Variants in ZNF316 observed in about 807,000 individuals in gnomAD.
The protein encoded by ZNF316 is zinc finger protein 316.
In ZNF316, 23 loss-of-function variants were observed where a neutral mutation model predicts 75.6. The ratio of observed to expected loss-of-function variants is 0.30; its 90% CI spans 0.22 to 0.43. The LOEUF (loss-of-function observed/expected upper bound fraction) is 0.43, where lower values mean the gene tolerates loss of function less well. Ranked by LOEUF, ZNF316 falls within the 20% of genes least tolerant of loss-of-function variation. ZNF316 has a pLI of 1.00. For missense variants in ZNF316, 1,266 were observed against 1,409.4 expected (o/e 0.90, Z 1.63); for synonymous variants, 827 against 666.2 (o/e 1.24, Z -3.72).
At chr7:6,646,401 C>T (rs1779404161) in intron 8 of ZNF316, among the ~76,000 whole-genome samples, 1 of 152,218 alleles carries the variant, frequency 6.6e-6, no homozygotes, top group Non-Finnish European at 1.5e-5. Context: ...GTGTGGTCTA[C>T]TTGTGCTCCT....
rs538383150 is a variant in ZNF316 at position 6,647,697 on chromosome 7, G to A, written c.706+3104G>A. Among the ~76,000 whole-genome samples, 28 of 152,374 alleles carry A rather than the reference G, an allele frequency of 1.8e-4. No homozygotes were observed. The South Asian group carries it at 5.8e-3, about 32-fold the overall frequency. On this transcript the variant is annotated intron_variant, in intron 8 of 8. Transcript: ENST00000382252. ...GGGCCCAGGTCAGGTTGGGCCTGGA[G>A]AGCAGGTTCCAGACTCCGAGATGGG...
Position 6,656,556 on chromosome 7 carries a change from A to G in ZNF316, c.*1945A>G, listed in dbSNP as rs1000780666. The G allele has an allele frequency of 6.6e-6, 1 of 152,232 alleles. No homozygotes were observed. The highest frequency in any genetic ancestry group is 1.5e-5 in the Non-Finnish European group (1 of 68,034). The allele number at this position is 152,232 out of a possible 1,614,324, so 9.4% of individuals were successfully genotyped here. On this transcript the variant is annotated 3_prime_UTR_variant, in exon 9 of 9. Transcript: ENST00000382252. ...AGATTTTCTCTTTTAAGAAATTAGA[A>G]TGGGTCCTAGGATGGCCCATGAGGA...
Position 6,644,600 on chromosome 7 carries a change from G to A in ZNF316, c.706+7G>A, listed in dbSNP as rs373422643. The A allele has an allele frequency of 2.4e-6, 3 of 1,229,252 alleles. No homozygotes were observed. Among genetic ancestry groups the A allele is most frequent in the Admixed American group, 4.2e-5 (1 of 23,724 alleles). The allele number at this position is 1,229,252 out of a possible 1,614,324, so 76.1% of individuals were successfully genotyped here. On this transcript the variant is annotated splice_region_variant and intron_variant, in intron 8 of 8. Coordinates refer to ENST00000382252, the MANE Select transcript of ZNF316 (RefSeq NM_001278559.2). ...GTCACTGGCGTCTACACAGGTGAGC[G>A]TGGATGGAATTTTGCGGTTTGTGCC...
In ZNF316 at chr7:6,649,390, T is replaced by G. The variant is rs551519269; in HGVS notation, c.707-2913T>G. On this transcript the variant is annotated intron_variant, in intron 8 of 8. Coordinates refer to ENST00000382252, the MANE Select transcript of ZNF316 (RefSeq NM_001278559.2). ...GGTTCCTGCCCCAGTGCCCTCCAGCTGTTGAGAAACATGCACCAGCCCCTC... is the reference window on the plus strand; with the variant it reads ...GGTTCCTGCCCCAGTGCCCTCCAGCGGTTGAGAAACATGCACCAGCCCCTC... Among the ~76,000 whole-genome samples, 4 of 152,296 alleles carry G rather than the reference T, an allele frequency of 2.6e-5. No homozygotes were observed. The South Asian group carries it at 8.3e-4, about 32-fold the overall frequency.
chr7:6,646,034 C>T (rs972630821), intron 8 of ZNF316, among the ~76,000 whole-genome samples: 1 of 151,264 alleles, frequency 6.6e-6, no homozygotes, highest in African/African-American at 2.4e-5. Flanking sequence ...GTGAGAACTC[C>T]CTCACTATCA....
intron 8 of ZNF316, among the ~76,000 whole-genome samples, chr7:6,651,763 CAAAACA>C (rs1324889686): frequency 6.6e-6 from 1 of 152,104 alleles, no homozygotes; most frequent in South Asian, 2.1e-4. Context: ...ACTCTTGTCT[CAAAACA>C]AAAACAAAAA....
rs1303125698 is a variant in ZNF316, at chr7:6,637,544, G to T, written c.-431+97G>T. 3 of 147,154 alleles carry T rather than the reference G, an allele frequency of 2.0e-5. No homozygotes were observed. Among genetic ancestry groups the T allele is most frequent in the Admixed American group, 1.4e-4 (2 of 14,754 alleles). The allele number at this position is 147,154 out of a possible 1,614,324, so 9.1% of individuals were successfully genotyped here. A position where few individuals can be genotyped will look rare whatever the true frequency, so the allele number is the denominator to read the frequency against. On this transcript the variant is annotated intron_variant, in intron 1 of 8. Transcript: ENST00000382252. This position sits in a 1 kb window ranked among gnomAD's most constrained non-coding sequence, Gnocchi z 6.2. The stretch of plus-strand genomic sequence containing the variant: ...GGGGCGGCGGCGGCGGCGGGGCCGG[G>T]CTGGCCCTCGACGCCCGGCGCGGGG...
Position 6,642,352 on chromosome 7 carries a change from G to C in ZNF316, c.-28-30G>C. ...GGGACCGTGTGGTGTGCTGAGAGCA[G>C]CCCGTCACTGGCGTCCATCTGCATT... On this transcript the variant is annotated intron_variant, in intron 4 of 8. Transcript: ENST00000382252. This position sits in a 1 kb window ranked among gnomAD's most constrained non-coding sequence, Gnocchi z 8.1. 3 of 1,137,492 alleles carry C rather than the reference G, an allele frequency of 2.6e-6. 1 individual carries two copies. In the South Asian group the frequency reaches 1.4e-4, roughly 52 times the overall value. 70.5% of individuals were successfully genotyped at this position (1,137,492 alleles called of 1,614,324 possible).
Position 6,653,475 on chromosome 7 carries a change from G to A in ZNF316, c.1879G>A (p.Val627Ile). 1 of 1,226,290 alleles carries A rather than the reference G, an allele frequency of 8.2e-7. No individual in the cohort carries two copies. The highest frequency in any genetic ancestry group is 1.0e-6 in the Non-Finnish European group (1 of 984,774). 76.0% of individuals were successfully genotyped at this position (1,226,290 alleles called of 1,614,324 possible). A position where few individuals can be genotyped will look rare whatever the true frequency, so the allele number is the denominator to read the frequency against. Residue 627 changes from valine to isoleucine, a missense_variant, in exon 9 of 9, where the codon GTC (valine) becomes ATC (isoleucine). Around this residue, in one of 3 missense-constraint regions of ZNF316, gnomAD observed 961 missense variants for 990.9 expected, o/e 0.97. Transcript: ENST00000382252. ...ACCCGACTTCCGAGAGCGGCTGCCG[G>A]TCGACGGGCGCCCGCTCCCGGCGCC... ...GLPDFRERLP[V>I]DGRPLPAPLG...
rs919140317 is a variant in ZNF316 at position 6,658,169 on chromosome 7, C to T, written c.*3558C>T. Reference sequence around the variant, plus strand: ...TTATCCTGATCTTTTCACTTAATCTCGTCCAACATTTCCTTCTATCTCCCT... The same window carrying T: ...TTATCCTGATCTTTTCACTTAATCTTGTCCAACATTTCCTTCTATCTCCCT... On this transcript the variant is annotated 3_prime_UTR_variant, in exon 9 of 9. Coordinates refer to ENST00000382252, the MANE Select transcript of ZNF316 (RefSeq NM_001278559.2). Among the ~76,000 whole-genome samples the T allele has an allele frequency of 2.0e-5, 3 of 152,120 alleles. No individual in the cohort carries two copies. Among genetic ancestry groups the T allele is most frequent in the African/African-American group, 7.2e-5 (3 of 41,404 alleles).
intron 7 of ZNF316, 70 bp downstream of exon 7, chr7:6,644,018 C>T (rs893455507): frequency 2.9e-5 from 36 of 1,226,116 alleles, no homozygotes; most frequent in African/African-American, 1.7e-4. Flanking sequence ...AGCTGTCTGA[C>T]GGGGCGCTTT....
At position 6,653,268 on chromosome 7, in the gene ZNF316, G is replaced by A. The variant is rs1222308548; in HGVS notation, c.1672G>A (p.Glu558Lys). The A allele has an allele frequency of 4.2e-5, 51 of 1,227,634 alleles. No homozygotes were observed. The highest frequency in any genetic ancestry group is 4.9e-5 in the Non-Finnish European group (48 of 985,960). 76.0% of individuals were successfully genotyped at this position (1,227,634 alleles called of 1,614,324 possible). Residue 558 changes from glutamate (E) to lysine (K), a missense_variant, in exon 9 of 9, where the codon GAG becomes AAG. Glu to Lys is a moderately conservative substitution (Grantham distance 56). Transcript: ENST00000382252. ...EAEAAAEERE[E>K]AAVAAPTPSG... ...GGAGGCCGCGGCCGAGGAGAGAGAGGAGGCGGCGGTGGCGGCGCCCACCCC... is the reference window on the plus strand; with the variant it reads ...GGAGGCCGCGGCCGAGGAGAGAGAGAAGGCGGCGGTGGCGGCGCCCACCCC...
At position 6,644,462 on chromosome 7, in the gene ZNF316, C is replaced by T. The variant is rs370492558; in HGVS notation, c.593-18C>T. ...GCCCACGGGAGCCGCCTGCAGCCGC[C>T]GTCTGTTCTCCTGGCAGGATACCCA... On this transcript the variant is annotated intron_variant, in intron 7 of 8. Transcript: ENST00000382252. The T allele has an allele frequency of 5.7e-6, 7 of 1,227,104 alleles. No homozygotes were observed. Among genetic ancestry groups the T allele is most frequent in the Admixed American group, 4.2e-5 (1 of 23,712 alleles). 76.0% of individuals were successfully genotyped at this position (1,227,104 alleles called of 1,614,324 possible).
rs1421494585 is a variant in ZNF316, at chr7:6,653,342, C to T, written c.1746C>T (p.Gly582=). ...CGGAACGGCGCTTCCTGGAGCTGGG[C>T]AACGGCCTGGGGGAGGGCGAAGGCC... ...PAPERRFLEL[G]NGLGEGEGPS... is the part of the protein sequence containing the mutation. Residue 582 remains glycine (G), a synonymous_variant, in exon 9 of 9, where the codon GGC becomes GGT. Transcript: ENST00000382252. The T allele has an allele frequency of 3.2e-5, 39 of 1,226,174 alleles. No individual in the cohort carries two copies. The highest frequency in any genetic ancestry group is 3.9e-5 in the Non-Finnish European group (38 of 985,068). 76.0% of individuals were successfully genotyped at this position (1,226,174 alleles called of 1,614,324 possible).
intron 8 of ZNF316, among the ~76,000 whole-genome samples, chr7:6,645,566 C>A (rs1443651133): frequency 6.6e-6 from 1 of 151,574 alleles, no homozygotes; most frequent in African/African-American, 2.4e-5. Context: ...TGCCTGTAGT[C>A]CCAGCTACTC....
At position 6,643,959 on chromosome 7, in the gene ZNF316, G is replaced by C; in HGVS notation, c.592+11G>C. On this transcript the variant is annotated intron_variant, in intron 7 of 8. Coordinates refer to ENST00000382252, the MANE Select transcript of ZNF316 (RefSeq NM_001278559.2). ...TTCTCGTGTCCTTGGGTAAGGACGG[G>C]ACCTTTTGTCCCCAAGAGGCAGCCT... 1 of 1,232,412 alleles carries C rather than the reference G, an allele frequency of 8.1e-7. No individual in the cohort carries two copies. Among genetic ancestry groups the C allele is most frequent in the Non-Finnish European group, 1.0e-6 (1 of 988,114 alleles). The allele number at this position is 1,232,412 out of a possible 1,614,324, so 76.3% of individuals were successfully genotyped here.
intron 8 of ZNF316, among the ~76,000 whole-genome samples, chr7:6,647,136 A>AC (rs1583443286): frequency 1.3e-5 from 2 of 152,134 alleles, no homozygotes; most frequent in African/African-American, 2.4e-5. Flanking sequence ...CCAGCCCTGT[A>AC]CTTGTGGGAC....
chr7:6,652,500 G>A lies in ZNF316; in HGVS notation c.904G>A (p.Gly302Ser). ...QTPEGWGPDPGGLGVLADGSE... is the reference protein window; with the variant it reads ...QTPEGWGPDPSGLGVLADGSE... ...TCCAGAGGGGTGGGGACCCGACCCA[G>A]GCGGCCTGGGGGTCCTGGCCGACGG... The change falls in exon 9 of 9, where the codon GGC becomes AGC. Residue 302 changes from glycine to serine, a missense_variant. This residue lies in a region of ZNF316 where 961 missense variants were observed against 990.9 expected (regional missense o/e 0.97). Transcript: ENST00000382252. The A allele has an allele frequency of 8.1e-7, 1 of 1,231,432 alleles. No individual in the cohort carries two copies. The highest frequency in any genetic ancestry group is 1.0e-6 in the Non-Finnish European group (1 of 987,622). 76.3% of individuals were successfully genotyped at this position (1,231,432 alleles called of 1,614,324 possible). A position where few individuals can be genotyped will look rare whatever the true frequency, so the allele number is the denominator to read the frequency against.
Position 6,654,068 on chromosome 7 carries a change from G to T in ZNF316, c.2472G>T (p.Ala824=). The T allele has an allele frequency of 1.7e-6, 2 of 1,210,988 alleles. No individual in the cohort carries two copies. The highest frequency in any genetic ancestry group is 2.1e-6 in the Non-Finnish European group (2 of 974,510). 75.0% of individuals were successfully genotyped at this position (1,210,988 alleles called of 1,614,324 possible). ...CGGCGCTGACGCGGCATCAGTGGGCGCACGCCGAGGAGAAGCCGCACCGCT... is the reference window on the plus strand; with the variant it reads ...CGGCGCTGACGCGGCATCAGTGGGCTCACGCCGAGGAGAAGCCGCACCGCT... ...QSAALTRHQW[A]HAEEKPHRCP... Residue 824 remains alanine (A), a synonymous_variant, in exon 9 of 9, where the codon GCG becomes GCT. Transcript: ENST00000382252.
Sources: allele counts gnomAD v4.1 joint callset (sites outside exome capture counted in the v4.1 genomes callset), GRCh38; gene constraint gnomAD v4.1.1; regional missense constraint gnomAD v4.1.1; non-coding constraint Gnocchi (gnomAD v3.1); transcripts MANE v1.5; gene names NCBI Gene and HGNC (gene_info 2026-07-23, HGNC 2026-07-21).